STK36: variants seen among roughly 807,000 people sequenced by gnomAD.
STK36 encodes serine/threonine kinase 36.
STK36 carries 116 observed loss-of-function variants against 142.2 expected under a neutral mutation model. The ratio of observed to expected loss-of-function variants is 0.82; its 90% CI spans 0.70 to 0.95. The LOEUF is 0.95. Ranked by LOEUF, STK36 falls within the 40% of genes least tolerant of loss-of-function variation. The probability of loss-of-function intolerance (pLI) is 0.00; values close to 1 mark genes in which losing one functional copy is unlikely to be tolerated. For missense variants in STK36, 1,422 were observed against 1,617.2 expected (o/e 0.88, Z 2.07); for synonymous variants, 619 against 641.7 (o/e 0.96, Z 0.53).
rs751887210 is a variant in STK36 at position 218,698,659 on chromosome 2, C to T, written c.3115C>T (p.Arg1039Cys). ...GGAGCTGCCCATCAGCCTTCTCACACGCCTGGCCCTCATGGATCCCACCTC... is the reference window on the plus strand; with the variant it reads ...GGAGCTGCCCATCAGCCTTCTCACATGCCTGGCCCTCATGGATCCCACCTC... ...QVELPISLLT[R>C]LALMDPTSLN... Residue 1039 changes from arginine to cysteine, a missense_variant, in exon 26 of 27, where the codon CGC becomes TGC. This residue lies in a region of STK36 where 962 missense variants were observed against 1,167.5 expected (regional missense o/e 0.82). Coordinates refer to ENST00000295709, the MANE Select transcript of STK36 (RefSeq NM_015690.5). The T allele has an allele frequency of 7.4e-6, 12 of 1,614,060 alleles. No individual in the cohort carries two copies. The highest frequency in any genetic ancestry group is 2.7e-5 in the African/African-American group (2 of 74,930).
rs746226929 is a variant in STK36, at chr2:218,698,902, C to T, written c.3358C>T (p.His1120Tyr). Residue 1120 changes from histidine (H) to tyrosine (Y), a missense_variant, in exon 26 of 27, where the codon CAC becomes TAC. Around this residue, in one of 2 missense-constraint regions of STK36, gnomAD observed 962 missense variants for 1,167.5 expected, o/e 0.82. Coordinates refer to ENST00000295709, the MANE Select transcript of STK36 (RefSeq NM_015690.5). The stretch of plus-strand genomic sequence containing the variant: ...TCGGCCCCTGCGCAGCCTCCTGGGC[C>T]ACCCAGAGAATTCTGTGCGGGCACA... ...SYRPLRSLLG[H>Y]PENSVRAHTY... is the part of the protein sequence containing the mutation. 2 of 1,614,198 alleles carry T rather than the reference C, an allele frequency of 1.2e-6. No individual in the cohort carries two copies. The highest frequency in any genetic ancestry group is 1.7e-6 in the Non-Finnish European group (2 of 1,180,026).
Position 218,680,064 on chromosome 2 carries a change from G to C in STK36, c.1120G>C (p.Val374Leu). The C allele has an allele frequency of 1.9e-6, 3 of 1,614,148 alleles. No homozygotes were observed. Among genetic ancestry groups the C allele is most frequent in the Non-Finnish European group, 1.7e-6 (2 of 1,180,034 alleles). ...CTGGGCTAAATCAGGGACTGGAGAG[G>C]TGCCCTCTGCACCTCGGTGAGAAGG... Reference protein sequence around the residue: ...SSWAKSGTGEVPSAPRENRTT... With the variant: ...SSWAKSGTGELPSAPRENRTT... Residue 374 changes from valine (V) to leucine (L), a missense_variant, in exon 9 of 27, where the codon GTG (valine) becomes CTG (leucine). Val to Leu is a conservative substitution (Grantham distance 32, BLOSUM62 1). Transcript: ENST00000295709.
chr2:218,693,595 G>T, intron 17 of STK36, 128 bp from the exon 18 acceptor site: 2 of 920,014 alleles, frequency 2.2e-6, no homozygotes, highest in East Asian at 4.8e-5. Context: ...GCAGAAGGGG[G>T]TTCTCTCACA....
Position 218,702,249 on chromosome 2 carries a change from C to G in STK36, c.*240C>G, listed in dbSNP as rs1432440864. The G allele has an allele frequency of 2.4e-6, 1 of 416,986 alleles. No individual in the cohort carries two copies. The highest frequency in any genetic ancestry group is 4.2e-5 in the East Asian group (1 of 23,688). 25.8% of individuals were successfully genotyped at this position (416,986 alleles called of 1,614,324 possible). On this transcript the variant is annotated 3_prime_UTR_variant, in exon 27 of 27. Transcript: ENST00000295709. ...GTGCCAGAGAAGAGTCCTTTCTTCTCTACATCCAGGGGCCTTTTCTCCAAT... is the reference window on the plus strand; with the variant it reads ...GTGCCAGAGAAGAGTCCTTTCTTCTGTACATCCAGGGGCCTTTTCTCCAAT...
chr2:218,681,123 A>G lies in STK36; in HGVS notation c.1236+421A>G, dbSNP rs1180162284. Among the ~76,000 whole-genome samples the G allele has an allele frequency of 3.4e-5, 5 of 148,396 alleles. No homozygotes were observed. In the South Asian group the frequency reaches 8.4e-4, roughly 25 times the overall value. Reference sequence around the variant, plus strand: ...CTACACCAGAGCATGTAGTTTTACCACAATCGTTTTTTTTTTTTTTTCGAG... The same window carrying G: ...CTACACCAGAGCATGTAGTTTTACCGCAATCGTTTTTTTTTTTTTTTCGAG... On this transcript the variant is annotated intron_variant, in intron 10 of 26. Transcript: ENST00000295709.
chr2:218,694,205 G>A lies in STK36; in HGVS notation c.2337-59G>A, dbSNP rs1941128185. 2 of 1,452,110 alleles carry A rather than the reference G, an allele frequency of 1.4e-6. No homozygotes were observed. Among genetic ancestry groups the A allele is most frequent in the Non-Finnish European group, 1.9e-6 (2 of 1,032,964 alleles). 90.0% of individuals were successfully genotyped at this position (1,452,110 alleles called of 1,614,324 possible). On this transcript the variant is annotated intron_variant, in intron 19 of 26. Transcript: ENST00000295709. This position sits in a 1 kb window ranked among gnomAD's most constrained non-coding sequence, Gnocchi z 4.4. ...AGAACACCATGCAAGGGAGAGGGGAGGCCGCTTACCAACCTCCTTTAATAC... is the reference window on the plus strand; with the variant it reads ...AGAACACCATGCAAGGGAGAGGGGAAGCCGCTTACCAACCTCCTTTAATAC...
rs777847716 is a variant in STK36 at position 218,698,832 on chromosome 2, C to G, written c.3288C>G (p.His1096Gln). 6.2e-7 allele frequency: 1 copy of G among 1,614,140 alleles called. No homozygotes were observed. The highest frequency in any genetic ancestry group is 8.5e-7 in the Non-Finnish European group (1 of 1,180,062). The change falls in exon 26 of 27, where the codon CAC becomes CAG. Residue 1096 changes from histidine (H) to glutamine (Q), a missense_variant. Around this residue, in one of 2 missense-constraint regions of STK36, gnomAD observed 962 missense variants for 1,167.5 expected, o/e 0.82. Coordinates refer to ENST00000295709, the MANE Select transcript of STK36 (RefSeq NM_015690.5). ...AHTARVLSPSHLSFIQELLAG... is the reference protein window; with the variant it reads ...AHTARVLSPSQLSFIQELLAG... ...CTGCCAGGGTCCTGTCTCCCAGCCACTTGTCCTTTATCCAAGAGCTTCTGG... is the reference window on the plus strand; with the variant it reads ...CTGCCAGGGTCCTGTCTCCCAGCCAGTTGTCCTTTATCCAAGAGCTTCTGG...
Position 218,694,551 on chromosome 2 carries a change from G to T in STK36, c.2427G>T (p.Gln809His), listed in dbSNP as rs781392206. The T allele has an allele frequency of 6.2e-7, 1 of 1,614,222 alleles. No individual in the cohort carries two copies. Among genetic ancestry groups the T allele is most frequent in the South Asian group, 1.1e-5 (1 of 91,086 alleles). ...LVSAAACLLG[Q>H]LGQQGVTFDL... ...GTGCAGCAGCCTGTCTATTGGGACA[G>T]CTTGGTCAGCAAGGGGTGACCTTTG... The change falls in exon 21 of 27, where the codon CAG (glutamine) becomes CAT (histidine). Residue 809 changes from glutamine to histidine, a missense_variant. Physicochemically the swap from Gln to His is conservative, Grantham distance 24. Transcript: ENST00000295709. This position sits in a 1 kb window ranked among gnomAD's most constrained non-coding sequence, Gnocchi z 4.4.
At chr2:218,689,003 T>TA in intron 12 of STK36, 127 bp downstream of exon 12, 1 of 1,008,824 alleles carries the variant, frequency 9.9e-7, no homozygotes, top group Non-Finnish European at 1.4e-6. Context: ...TTCTAGTTAG[T>TA]AGACTATTAA....
chr2:218,702,128 C>A lies in STK36; in HGVS notation c.*119C>A, dbSNP rs372589686. On this transcript the variant is annotated 3_prime_UTR_variant, in exon 27 of 27. Transcript: ENST00000295709. ...CTAGAAAAGAGATAAGCTGCCAACTCAACTGAGAACAAGAAACTAGAAGAG... is the reference window on the plus strand; with the variant it reads ...CTAGAAAAGAGATAAGCTGCCAACTAAACTGAGAACAAGAAACTAGAAGAG... The A allele has an allele frequency of 1.1e-5, 13 of 1,230,422 alleles. No homozygotes were observed. The East Asian group carries it at 2.2e-4, about 21-fold the overall frequency. The allele number at this position is 1,230,422 out of a possible 1,614,324, so 76.2% of individuals were successfully genotyped here. A position where few individuals can be genotyped will look rare whatever the true frequency, so the allele number is the denominator to read the frequency against.
chr2:218,686,919 T>A (rs570839344), intron 11 of STK36, among the ~76,000 whole-genome samples: 9 of 152,378 alleles, frequency 5.9e-5, no homozygotes, highest in Non-Finnish European at 8.8e-5. Context: ...CACATCCTTG[T>A]CAACACTTGT....
rs140840777 is a variant in STK36 at position 218,689,855 on chromosome 2, G to C, written c.1561-4G>C. 1.2e-6 allele frequency: 2 copies of C among 1,607,654 alleles called. No homozygotes were observed. Among genetic ancestry groups the C allele is most frequent in the East Asian group, 2.2e-5 (1 of 44,790 alleles). ...CCTTACTCTCTTCTCCTTTTCCTGG[G>C]CAGCAATCTTGGTATGGGACCTTCT... On this transcript the variant is annotated splice_polypyrimidine_tract_variant and splice_region_variant and intron_variant, in intron 12 of 26. Coordinates refer to ENST00000295709, the MANE Select transcript of STK36 (RefSeq NM_015690.5).
chr2:218,685,221 G>A lies in STK36; in HGVS notation c.1373G>A (p.Gly458Glu), dbSNP rs1225577753. The change falls in exon 11 of 27, where the codon GGA (glycine) becomes GAA (glutamate). Residue 458 changes from glycine (G) to glutamate (E), a missense_variant. Physicochemically the swap from Gly to Glu is moderately conservative, Grantham distance 98. This residue lies in a region of STK36 where 962 missense variants were observed against 1,167.5 expected (regional missense o/e 0.82). Transcript: ENST00000295709. ...QRIQSQLHEA[G>E]GQILKGILEG... ...ATCCAGAGTCAGCTGCATGAAGCTG[G>A]AGGGCAGGTAATGGGGAGAAAGACA... is the stretch of plus-strand genomic sequence containing the variant. The A allele has an allele frequency of 2.5e-6, 4 of 1,614,070 alleles. No homozygotes were observed. In the African/African-American group the frequency reaches 5.3e-5, roughly 22 times the overall value.
chr2:218,688,840 A>T lies in STK36; in HGVS notation c.1524A>T (p.Leu508=). The change falls in exon 12 of 27, where the codon CTA becomes CTT. Residue 508 remains leucine, a synonymous_variant. Transcript: ENST00000295709. ...EAGLPGLLLS[L]LRHSQESNSL... ...GGCTTCCTGGGCTGCTGCTGAGTCT[A>T]CTCAGGCACAGTCAGGAGAGCAACA... 1.2e-6 allele frequency: 2 copies of T among 1,612,922 alleles called. No individual in the cohort carries two copies. Among genetic ancestry groups the T allele is most frequent in the South Asian group, 1.1e-5 (1 of 90,992 alleles).
chr2:218,697,526 G>A lies in STK36; in HGVS notation c.2825G>A (p.Ser942Asn). 1 of 1,614,218 alleles carries A rather than the reference G, an allele frequency of 6.2e-7. No individual in the cohort carries two copies. The highest frequency in any genetic ancestry group is 8.5e-7 in the Non-Finnish European group (1 of 1,180,052). The change falls in exon 24 of 27, where the codon AGC becomes AAC. Residue 942 changes from serine to asparagine, a missense_variant. Coordinates refer to ENST00000295709, the MANE Select transcript of STK36 (RefSeq NM_015690.5). ...ACCCAGGAGCCCCAGTTATGCCTGAGCTGCCTGTCCCAGCATGGAAGTATC... is the reference window on the plus strand; with the variant it reads ...ACCCAGGAGCCCCAGTTATGCCTGAACTGCCTGTCCCAGCATGGAAGTATC... ...TFTQEPQLCL[S>N]CLSQHGSILM...
intron 26 of STK36, among the ~76,000 whole-genome samples, chr2:218,699,752 A>G (rs992898411): frequency 4.6e-5 from 7 of 152,162 alleles, no homozygotes; most frequent in African/African-American, 1.7e-4. Context: ...TCTGGTTTAA[A>G]CTATTATTAT....
rs1423073387 is a variant in STK36 at position 218,688,195 on chromosome 2, A to G, written c.1381-502A>G. On this transcript the variant is annotated intron_variant, in intron 11 of 26. Coordinates refer to ENST00000295709, the MANE Select transcript of STK36 (RefSeq NM_015690.5). ...ATAAAGGGCAAAAATAAATAAAAAT[A>G]TAATACTATCCTTAGCATGCAGGCT... Among the ~76,000 whole-genome samples, 6 of 152,354 alleles carry G rather than the reference A, an allele frequency of 3.9e-5. No homozygotes were observed. The East Asian group carries it at 9.6e-4, about 24-fold the overall frequency.
At chr2:218,696,752 C>T in intron 22 of STK36, 151 bp downstream of exon 22, 2 of 949,970 alleles carry the variant, frequency 2.1e-6, no homozygotes, top group Non-Finnish European at 1.7e-6. Flanking sequence ...CCCGCCTGCC[C>T]TCAGTACTGA....
chr2:218,702,618 C>G lies in STK36; in HGVS notation c.*609C>G, dbSNP rs1013402696. 6.6e-6 allele frequency: 1 copy of G among 152,060 alleles called. No individual in the cohort carries two copies. The highest frequency in any genetic ancestry group is 2.4e-5 in the African/African-American group (1 of 41,384). 9.4% of individuals were successfully genotyped at this position (152,060 alleles called of 1,614,324 possible). A position where few individuals can be genotyped will look rare whatever the true frequency, so the allele number is the denominator to read the frequency against. On this transcript the variant is annotated 3_prime_UTR_variant, in exon 27 of 27. Coordinates refer to ENST00000295709, the MANE Select transcript of STK36 (RefSeq NM_015690.5). ...TAAACTCTTTTAATAAAAGTTGTGC[C>G]TCACCATACTTGAAGCTCCCAGGAC...
Sources: gnomAD v4.1 joint callset for allele counts (sites outside exome capture counted in the v4.1 genomes callset) on GRCh38, gnomAD v4.1.1 for gene constraint, gnomAD v4.1.1 regional missense constraint, Gnocchi (gnomAD v3.1) non-coding constraint, MANE v1.5 for transcripts, NCBI Gene and HGNC (gene_info 2026-07-23, HGNC 2026-07-21) for gene names.